The following CRACR2A variants were observed in gnomAD, a reference collection of about 807,000 sequenced individuals.
CRACR2A encodes the protein calcium release activated channel regulator 2A.
In CRACR2A, 79 loss-of-function variants were observed where a neutral mutation model predicts 90.5. That is an observed-to-expected ratio of 0.87 (90% CI 0.73 to 1.05). The LOEUF is 1.05. Among genes scored for constraint, CRACR2A ranks in the 50% least tolerant of loss-of-function variants. The probability of loss-of-function intolerance (pLI) is 0.00; values close to 1 mark genes in which losing one functional copy is unlikely to be tolerated. For missense variants in CRACR2A, 823 were observed against 897.2 expected (o/e 0.92, Z 1.06); for synonymous variants, 338 against 356.7 (o/e 0.95, Z 0.59).
intron 1 of CRACR2A, among the ~76,000 whole-genome samples, chr12:3,751,338 A>G (rs1046922151): frequency 1.3e-5 from 2 of 152,062 alleles, no homozygotes; most frequent in African/African-American, 4.8e-5. Flanking sequence ...GGTGACTGCA[A>G]TGGGCTTCTT....
At chr12:3,675,037 A>G (rs1194282533) in intron 6 of CRACR2A, among the ~76,000 whole-genome samples, 1 of 152,148 alleles carries the variant, frequency 6.6e-6, no homozygotes, top group Non-Finnish European at 1.5e-5. Flanking sequence ...TCGTTTTATG[A>G]GGATAAAGTT....
intron 2 of CRACR2A, among the ~76,000 whole-genome samples, chr12:3,716,139 G>A (rs559896877): frequency 2.0e-5 from 3 of 151,840 alleles, no homozygotes; most frequent in African/African-American, 7.3e-5. Flanking sequence ...ATAAGCAGAT[G>A]TTATTGTTCT....
chr12:3,699,305 C>T (rs1317327842), intron 3 of CRACR2A, among the ~76,000 whole-genome samples: 1 of 152,152 alleles, frequency 6.6e-6, no homozygotes, highest in Non-Finnish European at 1.5e-5. Flanking sequence ...ATTCATTCAT[C>T]CATTCATTTA....
chr12:3,631,440 C>T (rs1158919467), intron 15 of CRACR2A, among the ~76,000 whole-genome samples: 9 of 152,166 alleles, frequency 5.9e-5, no homozygotes, highest in African/African-American at 1.7e-4. Flanking sequence ...CTCCCTGCCT[C>T]CCCCAGACCT....
intron 7 of CRACR2A, among the ~76,000 whole-genome samples, chr12:3,666,139 T>C (rs901811493): frequency 4.6e-5 from 7 of 151,600 alleles, no homozygotes; most frequent in African/African-American, 1.5e-4. Context: ...GAGTTCAGAA[T>C]AGGGAGATTC....
chr12:3,716,704 T>C (rs967156109), intron 2 of CRACR2A, among the ~76,000 whole-genome samples: 3 of 152,186 alleles, frequency 2.0e-5, no homozygotes, highest in African/African-American at 7.2e-5. Flanking sequence ...ATGAACTTCT[T>C]GTAAAGCATC....
chr12:3,646,692 C>T (rs1187119800), intron 11 of CRACR2A, among the ~76,000 whole-genome samples: 1 of 152,166 alleles, frequency 6.6e-6, no homozygotes, highest in Non-Finnish European at 1.5e-5. Flanking sequence ...GATCCTCGCT[C>T]CGCGCGGAGC....
Position 3,633,849 on chromosome 12 carries a change from G to A in CRACR2A, c.1603-113C>T, listed in dbSNP as rs1042375290. On this transcript the variant is annotated intron_variant, in intron 14 of 19. Transcript: ENST00000440314. The surrounding 1 kb of genome is among the most constrained non-coding windows in gnomAD (Gnocchi z 4.5). ...CAGTGGCCCTCAGGAGGTGCAGACC[G>A]GCCTCTAGACCTGCACCAGGAGGCT... The A allele has an allele frequency of 9.8e-6, 14 of 1,424,390 alleles. No individual in the cohort carries two copies. The highest frequency in any genetic ancestry group is 2.1e-4 in the Middle Eastern group (1 of 4,654). 88.2% of individuals were successfully genotyped at this position (1,424,390 alleles called of 1,614,324 possible).
In CRACR2A at chr12:3,641,731, C is replaced by A. The variant is rs1389725844; in HGVS notation, c.1271+1G>T. 1 of 1,551,198 alleles carries A rather than the reference C, an allele frequency of 6.4e-7. No homozygotes were observed. The highest frequency in any genetic ancestry group is 8.7e-7 in the Non-Finnish European group (1 of 1,146,694). On this transcript the variant is annotated splice_donor_variant, in intron 13 of 19. Transcript: ENST00000440314. LOFTEE classifies it high-confidence loss of function. ...GGGATGAGCAAGTGGAGATGACTTA[C>A]CTCCTAAGAATCCCTCTGCTGTCCA...
chr12:3,672,739 T>C, intron 7 of CRACR2A: 1 of 985,474 alleles, frequency 1.0e-6, no homozygotes, highest in Non-Finnish European at 1.2e-6. Flanking sequence ...CTGCCTGTTC[T>C]GACTCTGGTT....
intron 10 of CRACR2A, among the ~76,000 whole-genome samples, chr12:3,653,182 C>T (rs1263300082): frequency 6.6e-6 from 1 of 152,100 alleles, no homozygotes; most frequent in African/African-American, 2.4e-5. Context: ...GGGGTTTCAC[C>T]GTGTTGGTCA....
chr12:3,729,394 A>G (rs542334622), intron 2 of CRACR2A: 1 of 152,344 alleles, frequency 6.6e-6, no homozygotes, highest in African/African-American at 2.4e-5. Flanking sequence ...GCTTAACTGT[A>G]AACCACTCCT....
intron 3 of CRACR2A, among the ~76,000 whole-genome samples, chr12:3,709,508 T>C (rs1945978088): frequency 6.6e-6 from 1 of 152,274 alleles, no homozygotes; most frequent in Non-Finnish European, 1.5e-5. Context: ...CTGGGCGCAG[T>C]GGCTCACGCC....
intron 7 of CRACR2A, among the ~76,000 whole-genome samples, chr12:3,672,445 C>G (rs1379988276): frequency 6.6e-6 from 1 of 152,180 alleles, no homozygotes; most frequent in Non-Finnish European, 1.5e-5. Flanking sequence ...AGAAAATGAG[C>G]AAATCTCTGG....
Position 3,643,855 on chromosome 12 carries a change from T to TAAA in CRACR2A, c.1164+739_1164+740insTTT, listed in dbSNP as rs1491409578. Reference sequence around the variant, plus strand: ...AAATATATATAATATATATTATATATTTATATTATATATATTATATATATT... The same window carrying TAAA: ...AAATATATATAATATATATTATATATAAATTATATTATATATATTATATATATT... On this transcript the variant is annotated intron_variant, in intron 12 of 19. Coordinates refer to ENST00000440314, the MANE Select transcript of CRACR2A (RefSeq NM_001144958.2). 2.5e-4 allele frequency among the ~76,000 whole-genome samples: 12 copies of TAAA among 48,196 alleles called. No individual in the cohort carries two copies. In the East Asian group the frequency reaches 4.5e-3, roughly 18 times the overall value. The allele number at this position is 48,196 out of a possible 152,430, so 31.6% of individuals were successfully genotyped here. A position where few individuals can be genotyped will look rare whatever the true frequency, so the allele number is the denominator to read the frequency against.
chr12:3,750,492 T>C (rs1946688220), intron 1 of CRACR2A, among the ~76,000 whole-genome samples: 1 of 152,026 alleles, frequency 6.6e-6, no homozygotes, highest in South Asian at 2.1e-4. Flanking sequence ...TCCTGAATTC[T>C]GCAATATTCT....
chr12:3,722,583 T>C (rs935035699), intron 2 of CRACR2A, among the ~76,000 whole-genome samples: 1 of 152,122 alleles, frequency 6.6e-6, no homozygotes, highest in Non-Finnish European at 1.5e-5. Context: ...TGAGGGGTGA[T>C]GAACTCCGTG....
intron 10 of CRACR2A, among the ~76,000 whole-genome samples, chr12:3,651,636 T>G (rs1237711517): frequency 2.0e-5 from 3 of 152,188 alleles, no homozygotes; most frequent in Admixed American, 1.3e-4. Flanking sequence ...TTTTGCCTGT[T>G]CAGAATTCTT....
chr12:3,732,376 C>T (rs1946374024), intron 2 of CRACR2A: 1 of 152,272 alleles, frequency 6.6e-6, no homozygotes. Context: ...TCACCCACGA[C>T]CAGCAGATGC....
Sources: gnomAD v4.1 joint callset for allele counts (sites outside exome capture counted in the v4.1 genomes callset) on GRCh38, gnomAD v4.1.1 for gene constraint, Gnocchi (gnomAD v3.1) non-coding constraint, MANE v1.5 for transcripts, NCBI Gene and HGNC (gene_info 2026-07-23, HGNC 2026-07-21) for gene names.